Variants in RBMS3 observed in about 807,000 individuals in gnomAD.
RBMS3 encodes RNA-binding motif, single-stranded-interacting protein 3.
Under a neutral mutation model 66.8 loss-of-function variants are expected in RBMS3, and 27 were observed. The ratio of observed to expected loss-of-function variants is 0.40; its 90% CI spans 0.30 to 0.56. The LOEUF is 0.56. Among genes scored for constraint, RBMS3 ranks in the 20% least tolerant of loss-of-function variants. The probability of loss-of-function intolerance (pLI) is 0.40; values close to 1 mark genes in which losing one functional copy is unlikely to be tolerated. For synonymous variants in RBMS3, 188 were observed against 183.0 expected (o/e 1.03, Z -0.22); for missense variants, 513 against 549.5 (o/e 0.93, Z 0.66).
chr3:29,986,096 A>G (rs1170680161), intron 12 of RBMS3, among the ~76,000 whole-genome samples: 1 of 152,156 alleles, frequency 6.6e-6, no homozygotes, highest in African/African-American at 2.4e-5. Context: ...CTAACTTTAG[A>G]ATAGGAAATA....
chr3:29,911,259 G>T (rs1225796248), intron 10 of RBMS3, among the ~76,000 whole-genome samples: 1 of 152,034 alleles, frequency 6.6e-6, no homozygotes, highest in Non-Finnish European at 1.5e-5. Context: ...CAGGGTTTTG[G>T]TCCTATTCAC....
intron 2 of RBMS3, among the ~76,000 whole-genome samples, chr3:29,469,414 T>C (rs574989935): frequency 5.5e-4 from 84 of 152,062 alleles, no homozygotes; most frequent in African/African-American, 2.0e-3. Context: ...AACAGCAATG[T>C]TTATAAGGAC....
intron 3 of RBMS3, among the ~76,000 whole-genome samples, chr3:29,554,756 A>G (rs149951668): frequency 1.3e-5 from 2 of 152,286 alleles, no homozygotes; most frequent in African/African-American, 2.4e-5. Flanking sequence ...ATAAGAAACT[A>G]TGAGTCATCT....
intron 3 of RBMS3, among the ~76,000 whole-genome samples, chr3:29,546,545 G>A (rs2045956149): frequency 6.6e-6 from 1 of 152,156 alleles, no homozygotes; most frequent in African/African-American, 2.4e-5. Flanking sequence ...AAACACTGGT[G>A]TGCTTACCTT....
chr3:29,709,557 T>A (rs2053065227), intron 4 of RBMS3, among the ~76,000 whole-genome samples: 1 of 152,232 alleles, frequency 6.6e-6, no homozygotes, highest in African/African-American at 2.4e-5. Flanking sequence ...GAAAAACTTC[T>A]CTCTGATTTA....
At chr3:29,849,849 T>C (rs1055940215) in intron 6 of RBMS3, among the ~76,000 whole-genome samples, 6 of 152,206 alleles carry the variant, frequency 3.9e-5, no homozygotes, top group Non-Finnish European at 7.3e-5. Flanking sequence ...TGATTCCATT[T>C]CATTTAAGGT....
chr3:29,969,435 T>C (rs534294904), intron 12 of RBMS3, among the ~76,000 whole-genome samples: 2 of 152,356 alleles, frequency 1.3e-5, no homozygotes, highest in African/African-American at 4.8e-5. Context: ...TCAAATGATA[T>C]CACTACATGT....
At chr3:29,439,620 T>C (rs1388945519) in intron 2 of RBMS3, among the ~76,000 whole-genome samples, 1 of 151,858 alleles carries the variant, frequency 6.6e-6, no homozygotes, top group Non-Finnish European at 1.5e-5. Flanking sequence ...TTTTTATTAT[T>C]ATTATACTTT....
chr3:29,392,226 G>C (rs1171233272), intron 1 of RBMS3, among the ~76,000 whole-genome samples: 1 of 151,952 alleles, frequency 6.6e-6, no homozygotes, highest in Non-Finnish European at 1.5e-5. Context: ...CTCCAGCCTG[G>C]GCAACAGAGG....
chr3:29,649,305 A>C (rs1328714528), intron 4 of RBMS3, among the ~76,000 whole-genome samples: 1 of 152,190 alleles, frequency 6.6e-6, no homozygotes, highest in Non-Finnish European at 1.5e-5. Context: ...CTTGCTCTGC[A>C]GCTCTGGGGC....
At chr3:29,786,315 C>A (rs1336586441) in intron 6 of RBMS3, among the ~76,000 whole-genome samples, 1 of 151,918 alleles carries the variant, frequency 6.6e-6, no homozygotes, top group Non-Finnish European at 1.5e-5. Context: ...CACCATTATT[C>A]TTCACAGAAC....
At chr3:29,803,076 G>A (rs999983901) in intron 6 of RBMS3, among the ~76,000 whole-genome samples, 1 of 152,120 alleles carries the variant, frequency 6.6e-6, no homozygotes, top group Non-Finnish European at 1.5e-5. Context: ...CTCACAGCCC[G>A]TTAAGGCAAA....
chr3:29,799,314 G>C (rs112554257), intron 6 of RBMS3, among the ~76,000 whole-genome samples: 3 of 152,230 alleles, frequency 2.0e-5, no homozygotes, highest in African/African-American at 7.2e-5. Flanking sequence ...TGAGTGACAG[G>C]ATATGCTTGA....
chr3:29,338,159 A>T (rs963563685), intron 1 of RBMS3, among the ~76,000 whole-genome samples: 1 of 152,114 alleles, frequency 6.6e-6, no homozygotes, highest in South Asian at 2.1e-4. Flanking sequence ...GGTCTCTTTA[A>T]GCTTTTTTTA....
At chr3:29,965,481 A>T (rs1011368359) in intron 12 of RBMS3, among the ~76,000 whole-genome samples, 1 of 151,962 alleles carries the variant, frequency 6.6e-6, no homozygotes, top group Non-Finnish European at 1.5e-5. Context: ...ATCATTAGTG[A>T]TTTTGAGCAT....
At chr3:29,763,878 T>C (rs1183894809) in intron 6 of RBMS3, among the ~76,000 whole-genome samples, 6 of 152,102 alleles carry the variant, frequency 3.9e-5, no homozygotes, top group African/African-American at 9.7e-5. Context: ...TGGTCTTTTA[T>C]ATACAGTTAT....
Position 29,517,271 on chromosome 3 carries a change from A to ATGTGTATG in RBMS3, c.307+28777_307+28778insATGTGTGT, listed in dbSNP as rs2044664770. Among the ~76,000 whole-genome samples the ATGTGTATG allele has an allele frequency of 2.3e-5, 3 of 129,640 alleles. No individual in the cohort carries two copies. The South Asian group carries it at 8.2e-4, about 35-fold the overall frequency. The allele number at this position is 129,640 out of a possible 152,430, so 85.0% of individuals were successfully genotyped here. On this transcript the variant is annotated intron_variant, in intron 3 of 14. Coordinates refer to ENST00000383767, the MANE Select transcript of RBMS3 (RefSeq NM_001003793.3). ...CTGTGTATGTGAGGTGATTTCATAT[A>ATGTGTATG]TGTGTGTGTGTGTGTGTGTGTGTGT...
intron 1 of RBMS3, among the ~76,000 whole-genome samples, chr3:29,305,652 C>T (rs2033958389): frequency 6.6e-6 from 1 of 151,922 alleles, no homozygotes; most frequent in Admixed American, 6.6e-5. Context: ...GTTATTATGC[C>T]CACCACAATT....
intron 12 of RBMS3, among the ~76,000 whole-genome samples, chr3:29,987,369 T>A (rs752288915): frequency 1.6e-4 from 25 of 152,210 alleles, no homozygotes; most frequent in Non-Finnish European, 2.9e-4. Flanking sequence ...ACTGAACATG[T>A]AGTTTTACTG....
Sources: allele counts gnomAD v4.1 joint callset (sites outside exome capture counted in the v4.1 genomes callset), GRCh38; gene constraint gnomAD v4.1.1; transcripts MANE v1.5; gene names NCBI Gene and HGNC (gene_info 2026-07-23, HGNC 2026-07-21).